CAPN9: variants seen among roughly 807,000 people sequenced by gnomAD.
CAPN9 encodes calpain 9.
A neutral mutation model predicts 92.8 loss-of-function variants in CAPN9; 81 were observed. The ratio of observed to expected loss-of-function variants is 0.87; its 90% CI spans 0.73 to 1.05. The LOEUF (loss-of-function observed/expected upper bound fraction) is 1.05, where lower values mean the gene tolerates loss of function less well. Ranked by LOEUF, CAPN9 falls within the 50% of genes least tolerant of loss-of-function variation. The probability of loss-of-function intolerance (pLI) is 0.00; values close to 1 mark genes in which losing one functional copy is unlikely to be tolerated. For synonymous variants in CAPN9, 304 were observed against 328.0 expected (o/e 0.93, Z 0.79); for missense variants, 848 against 866.2 (o/e 0.98, Z 0.26).
intron 1 of CAPN9, among the ~76,000 whole-genome samples, chr1:230,751,583 AACAAAGAAAGAAAGAAAGAAAGAAAG>A (rs1282370411): frequency 0.24 from 6,040 of 25,592 alleles, 437 homozygotes; most frequent in East Asian, 0.38. Flanking sequence ...AGAAGAAAGA[AACAAAGAAAGAAAGAAAGAAAGAAAG>A]AGAAAGAAAG....
chr1:230,750,755 A>G (rs923252153), intron 1 of CAPN9, among the ~76,000 whole-genome samples: 7 of 152,170 alleles, frequency 4.6e-5, no homozygotes, highest in African/African-American at 1.7e-4. Context: ...CACAAAGCCA[A>G]GGGGACATTG....
At chr1:230,797,140 C>A (rs1389152977) in intron 18 of CAPN9, among the ~76,000 whole-genome samples, 1 of 152,160 alleles carries the variant, frequency 6.6e-6, no homozygotes, top group African/African-American at 2.4e-5. Context: ...CTGTTAGAAT[C>A]TCAGGGGTGG....
At chr1:230,761,955 A>G (rs3790957) in intron 3 of CAPN9, among the ~76,000 whole-genome samples, 76,765 of 151,910 alleles carry the variant, frequency 0.51, 19,471 homozygotes, top group East Asian at 0.54. Flanking sequence ...ATGCACACAC[A>G]TGCACACATG....
intron 1 of CAPN9, among the ~76,000 whole-genome samples, chr1:230,748,718 T>C (rs960106987): frequency 6.6e-6 from 1 of 152,196 alleles, no homozygotes; most frequent in African/African-American, 2.4e-5. Flanking sequence ...ACAATGATTA[T>C]TAGCTCTGAG....
intron 4 of CAPN9, 110 bp downstream of exon 4, chr1:230,762,896 G>C (rs1047226451): frequency 3.3e-5 from 40 of 1,212,466 alleles, no homozygotes; most frequent in Admixed American, 2.0e-4. Context: ...GGGTTTGCAG[G>C]TGAGGCTCGG....
intron 6 of CAPN9, among the ~76,000 whole-genome samples, chr1:230,771,022 C>T (rs957088410): frequency 1.3e-5 from 2 of 152,192 alleles, no homozygotes; most frequent in Non-Finnish European, 2.9e-5. Flanking sequence ...AGATTGCTCA[C>T]TCAAGCAGGC....
chr1:230,798,832 C>T (rs911468397), intron 19 of CAPN9, among the ~76,000 whole-genome samples: 3 of 152,234 alleles, frequency 2.0e-5, no homozygotes, highest in African/African-American at 7.2e-5. Flanking sequence ...TAGGAGAGAG[C>T]GTTGGAAATG....
At chr1:230,800,069 T>C (rs546716251) in intron 19 of CAPN9, among the ~76,000 whole-genome samples, 1 of 151,610 alleles carries the variant, frequency 6.6e-6, no homozygotes, top group South Asian at 2.1e-4. Flanking sequence ...TCCCAGCTAC[T>C]CGGGAGGCTG....
intron 11 of CAPN9, among the ~76,000 whole-genome samples, chr1:230,783,733 G>A (rs982109259): frequency 6.6e-6 from 1 of 152,168 alleles, no homozygotes; most frequent in African/African-American, 2.4e-5. Flanking sequence ...ACAGAAGAGT[G>A]GGGCATTGTT....
intron 6 of CAPN9, among the ~76,000 whole-genome samples, chr1:230,769,617 C>T (rs201954947): frequency 0.03 from 106 of 3,522 alleles, no homozygotes; most frequent in Middle Eastern, 0.25. Flanking sequence ...ACACACACAC[C>T]TATCTATCTA....
intron 2 of CAPN9, among the ~76,000 whole-genome samples, chr1:230,757,797 T>G (rs1333169077): frequency 2.9e-5 from 4 of 138,494 alleles, no homozygotes; most frequent in African/African-American, 8.2e-5. Flanking sequence ...GGGGTAGGGG[T>G]GGAGCTGGGT....
intron 2 of CAPN9, 45 bp from the exon 3 acceptor site, chr1:230,759,467 G>C (rs757440229): frequency 2.2e-6 from 3 of 1,375,400 alleles, no homozygotes; most frequent in Non-Finnish European, 2.0e-6. Context: ...CCTATTTGCT[G>C]TGAAATAGCA....
chr1:230,764,678 G>T (rs961855858), intron 4 of CAPN9, among the ~76,000 whole-genome samples: 3 of 152,202 alleles, frequency 2.0e-5, no homozygotes, highest in African/African-American at 7.2e-5. Context: ...TTTCTTGTAG[G>T]AGTACAAATG....
chr1:230,757,817 G>A (rs1452789613), intron 2 of CAPN9, among the ~76,000 whole-genome samples: 1 of 152,052 alleles, frequency 6.6e-6, no homozygotes, highest in Admixed American at 6.6e-5. Context: ...TGAGTGTGAG[G>A]GGATGGAGCA....
chr1:230,767,788 A>AGTG, intron 5 of CAPN9, 79 bp downstream of exon 5: 2 of 1,354,798 alleles, frequency 1.5e-6, no homozygotes, highest in Non-Finnish European at 1.0e-6. Context: ...CTGGGGCTGT[A>AGTG]CCAGGTACCC....
chr1:230,762,929 T>C, intron 4 of CAPN9, 143 bp downstream of exon 4: 1 of 835,466 alleles, frequency 1.2e-6, no homozygotes, highest in East Asian at 2.9e-5. Flanking sequence ...CTCTCAGGGC[T>C]CAAGCGGGGT....
At position 230,801,591 on chromosome 1, in the gene CAPN9, A is replaced by G; in HGVS notation, c.2068A>G (p.Ile690Val). Residue 690 changes from isoleucine to valine, a missense_variant, in exon 20 of 20, where the codon ATC becomes GTC. Physicochemically the swap from Ile to Val is conservative, Grantham distance 29. Coordinates refer to ENST00000271971, the MANE Select transcript of CAPN9 (RefSeq NM_006615.3). Reference sequence around the variant, plus strand: ...CCAGTTCATCCATTTGACAATGAACATCTGAGGCTGCCTTGTAGAGATGCA... The same window carrying G: ...CCAGTTCATCCATTTGACAATGAACGTCTGAGGCTGCCTTGTAGAGATGCA... ...INEFIHLTMN[I>V] The G allele has an allele frequency of 6.2e-7, 1 of 1,614,084 alleles. No homozygotes were observed. Among genetic ancestry groups the G allele is most frequent in the South Asian group, 1.1e-5 (1 of 91,068 alleles).
At chr1:230,780,111 T>C in intron 9 of CAPN9, 68 bp from the exon 10 acceptor site, 2 of 953,194 alleles carry the variant, frequency 2.1e-6, no homozygotes, top group Non-Finnish European at 3.3e-6. Context: ...TGTGTGTGTG[T>C]GTGTGTGTGT....
At chr1:230,799,535 G>C (rs1668549269) in intron 19 of CAPN9, among the ~76,000 whole-genome samples, 1 of 152,162 alleles carries the variant, frequency 6.6e-6, no homozygotes. Context: ...CAGAATTATT[G>C]TAATGGCTTA....
Sources: gnomAD v4.1 joint callset for allele counts (sites outside exome capture counted in the v4.1 genomes callset) on GRCh38, gnomAD v4.1.1 for gene constraint, MANE v1.5 for transcripts, NCBI Gene and HGNC (gene_info 2026-07-23, HGNC 2026-07-21) for gene names.